The following BNC2 variants were observed in gnomAD, a reference collection of about 807,000 sequenced individuals.
BNC2 encodes zinc finger protein basonuclin-2.
BNC2 carries 20 observed loss-of-function variants against 76.3 expected under a neutral mutation model. That is an observed-to-expected ratio of 0.26 (90% confidence interval 0.18 to 0.38). The LOEUF (loss-of-function observed/expected upper bound fraction) is 0.38. Ranked by LOEUF, BNC2 falls within the 10% of genes least tolerant of loss-of-function variation. The probability of loss-of-function intolerance (pLI) is 1.00; values close to 1 mark genes in which losing one functional copy is unlikely to be tolerated. For missense variants in BNC2, 1,382 were observed against 1,399.8 expected (o/e 0.99, Z 0.20); for synonymous variants, 582 against 514.8 (o/e 1.13, Z -1.77).
intron 3 of BNC2, among the ~76,000 whole-genome samples, chr9:16,629,996 G>C (rs1821115490): frequency 6.6e-6 from 1 of 152,226 alleles, no homozygotes; most frequent in Non-Finnish European, 1.5e-5. Context: ...GCTTTGGATA[G>C]CATGTTATCC....
intron 1 of BNC2, among the ~76,000 whole-genome samples, chr9:16,854,205 AT>A (rs1819198681): frequency 6.6e-6 from 1 of 152,346 alleles, no homozygotes; most frequent in Non-Finnish European, 1.5e-5. Context: ...AGGTAAAAAA[AT>A]GACACTAATT....
chr9:16,703,043 G>C (rs1044326896), intron 3 of BNC2, among the ~76,000 whole-genome samples: 3 of 152,142 alleles, frequency 2.0e-5, no homozygotes, highest in African/African-American at 7.2e-5. Context: ...ATGCGGAGAA[G>C]ATTCCTAAAT....
chr9:16,805,483 C>G (rs933715969), intron 1 of BNC2, among the ~76,000 whole-genome samples: 4 of 151,988 alleles, frequency 2.6e-5, no homozygotes, highest in Non-Finnish European at 5.9e-5. Context: ...CGTGCCACCA[C>G]AGCCTGGCTA....
At chr9:16,698,269 A>T (rs1244331482) in intron 3 of BNC2, among the ~76,000 whole-genome samples, 1 of 152,186 alleles carries the variant, frequency 6.6e-6, no homozygotes, top group Non-Finnish European at 1.5e-5. Context: ...ACCTTTAGGA[A>T]ATAAGCATAC....
intron 3 of BNC2, among the ~76,000 whole-genome samples, chr9:16,678,518 C>A (rs1054968505): frequency 6.6e-6 from 1 of 151,842 alleles, no homozygotes; most frequent in African/African-American, 2.4e-5. Context: ...AATCCGCCCA[C>A]CTCCCAAAGT....
intron 6 of BNC2, among the ~76,000 whole-genome samples, chr9:16,430,807 C>T (rs542211473): frequency 6.6e-6 from 1 of 152,282 alleles, no homozygotes; most frequent in Admixed American, 6.5e-5. Context: ...ATGTCTTCCG[C>T]CATAGGAATA....
rs373427796 is a variant in BNC2, at chr9:16,436,921, G to A, written c.1273C>T (p.Arg425Trp). 45 of 1,613,920 alleles carry A rather than the reference G, an allele frequency of 2.8e-5. No homozygotes were observed. The highest frequency in any genetic ancestry group is 1.1e-4 in the East Asian group (5 of 44,872). ...CCCATCCTTCTCATCCGATGAATCCGGAATGAGCTTTTTGGGTGTTCAGTT... is the reference window on the plus strand; with the variant it reads ...CCCATCCTTCTCATCCGATGAATCCAGAATGAGCTTTTTGGGTGTTCAGTT... The part of the protein sequence containing the change: ...TKTEHPKSSF[R>W]IHRMRRMGSA... Residue 425 changes from arginine to tryptophan, a missense_variant, in exon 6 of 7, where the codon CGG becomes TGG. Arg to Trp is a moderately radical substitution (Grantham distance 101). Around this residue, in one of 3 missense-constraint regions of BNC2, gnomAD observed 557 missense variants for 540.9 expected, o/e 1.03. Coordinates refer to ENST00000380672, the MANE Select transcript of BNC2 (RefSeq NM_017637.6).
At chr9:16,839,925 A>G (rs117753415) in intron 1 of BNC2, among the ~76,000 whole-genome samples, 2 of 152,206 alleles carry the variant, frequency 1.3e-5, no homozygotes, top group African/African-American at 2.4e-5. Context: ...AAACTGCTAA[A>G]CTAATCCCAG....
chr9:16,638,626 T>C (rs1821397177), intron 3 of BNC2, among the ~76,000 whole-genome samples: 2 of 152,150 alleles, frequency 1.3e-5, no homozygotes, highest in Non-Finnish European at 2.9e-5. Context: ...ATAGGTTATG[T>C]TATCATGCAT....
chr9:16,472,816 A>G (rs144354258), intron 5 of BNC2, among the ~76,000 whole-genome samples: 1 of 152,344 alleles, frequency 6.6e-6, no homozygotes, highest in African/African-American at 2.4e-5. Flanking sequence ...GTGAAATATA[A>G]AAAATTAAGT....
chr9:16,712,574 A>T (rs1417770199), intron 3 of BNC2, among the ~76,000 whole-genome samples: 2 of 152,232 alleles, frequency 1.3e-5, no homozygotes, highest in African/African-American at 2.4e-5. Flanking sequence ...AAAGATGAGT[A>T]TAATTTTAGA....
chr9:16,778,952 CT>C (rs2135527317), intron 1 of BNC2, among the ~76,000 whole-genome samples: 1 of 152,018 alleles, frequency 6.6e-6, no homozygotes, highest in Non-Finnish European at 1.5e-5. Context: ...CTTTTGCCTT[CT>C]TTTGGGGATG....
intron 3 of BNC2, among the ~76,000 whole-genome samples, chr9:16,724,686 A>G (rs1257327262): frequency 6.6e-6 from 1 of 152,168 alleles, no homozygotes; most frequent in Non-Finnish European, 1.5e-5. Context: ...TGAAAGATGT[A>G]CATTTAAGCA....
At chr9:16,572,644 C>T (rs1927617) in intron 4 of BNC2, among the ~76,000 whole-genome samples, 27,373 of 151,818 alleles carry the variant, frequency 0.18, 4,658 homozygotes, top group African/African-American at 0.45. Flanking sequence ...TTAATTGCTC[C>T]GGGGGTGGGG....
chr9:16,706,118 G>A (rs1299564084), intron 3 of BNC2, among the ~76,000 whole-genome samples: 1 of 152,128 alleles, frequency 6.6e-6, no homozygotes, highest in Non-Finnish European at 1.5e-5. Flanking sequence ...TTGTTCTCAT[G>A]TAGCCCTTTA....
At chr9:16,730,765 ATCTT>A (rs555908803) in intron 2 of BNC2, among the ~76,000 whole-genome samples, 138 of 152,320 alleles carry the variant, frequency 9.1e-4, no homozygotes, top group African/African-American at 1.7e-3. Flanking sequence ...GCAGCAGGAT[ATCTT>A]TCTAAGTTTT....
chr9:16,591,411 C>CA (rs1819925751), intron 3 of BNC2, among the ~76,000 whole-genome samples: 1 of 152,088 alleles, frequency 6.6e-6, no homozygotes, highest in Admixed American at 6.6e-5. Context: ...GAACATGGGT[C>CA]AAAAGATCTA....
intron 1 of BNC2, among the ~76,000 whole-genome samples, chr9:16,862,125 A>G (rs909885336): frequency 3.9e-5 from 6 of 152,258 alleles, no homozygotes; most frequent in African/African-American, 1.2e-4. Context: ...TCAAAAAGTT[A>G]TAAGTAGATA....
chr9:16,460,255 G>T (rs1821545581), intron 5 of BNC2, among the ~76,000 whole-genome samples: 1 of 151,812 alleles, frequency 6.6e-6, no homozygotes. Flanking sequence ...TTAAGCTCTG[G>T]TTCTAACAAC....
Sources: gnomAD v4.1 joint callset for allele counts (sites outside exome capture counted in the v4.1 genomes callset) on GRCh38, gnomAD v4.1.1 for gene constraint, gnomAD v4.1.1 regional missense constraint, MANE v1.5 for transcripts, NCBI Gene and HGNC (gene_info 2026-07-23, HGNC 2026-07-21) for gene names.